Variants in CCDC88A observed in about 807,000 individuals in gnomAD.
CCDC88A encodes coiled-coil and HOOK domain protein 88A, also known as girdin.
Under a neutral mutation model 234.3 loss-of-function variants are expected in CCDC88A, and 54 were observed. That is an observed-to-expected ratio of 0.23 (90% CI 0.19 to 0.29). The LOEUF is 0.29. CCDC88A is among the 10% of genes least tolerant of loss of function. The probability of loss-of-function intolerance (pLI) is 1.00; values close to 1 mark genes in which losing one functional copy is unlikely to be tolerated. For synonymous variants in CCDC88A, 753 were observed against 737.8 expected (o/e 1.02, Z -0.33); for missense variants, 1,832 against 2,123.4 (o/e 0.86, Z 2.70).
intron 12 of CCDC88A, among the ~76,000 whole-genome samples, chr2:55,341,870 C>G (rs188272236): frequency 1.3e-5 from 2 of 152,270 alleles, no homozygotes; most frequent in African/African-American, 4.8e-5. Flanking sequence ...AATGCTGCAA[C>G]AAGCATGGGA....
chr2:55,413,062 G>C (rs1196920855), intron 2 of CCDC88A, among the ~76,000 whole-genome samples: 1 of 151,914 alleles, frequency 6.6e-6, no homozygotes, highest in African/African-American at 2.4e-5. Flanking sequence ...TAAAAAATTA[G>C]CCAGGTGCAG....
Position 55,328,196 on chromosome 2 carries a change from A to G in CCDC88A, c.2997+98T>C. 1.0e-6 allele frequency: 1 copy of G among 954,686 alleles called. No individual in the cohort carries two copies. The highest frequency in any genetic ancestry group is 1.5e-6 in the Non-Finnish European group (1 of 645,692). 59.1% of individuals were successfully genotyped at this position (954,686 alleles called of 1,614,324 possible). A position where few individuals can be genotyped will look rare whatever the true frequency, so the allele number is the denominator to read the frequency against. ...AAAGGAAGAAATAGACTAAATATCA[A>G]TAAAATGTTTATATTTTTATTTTCT... On this transcript the variant is annotated intron_variant, in intron 17 of 32. Transcript: ENST00000436346. This position sits in a 1 kb window ranked among gnomAD's most constrained non-coding sequence, Gnocchi z 4.3.
At chr2:55,307,517 G>A (rs1448952388) in intron 25 of CCDC88A, among the ~76,000 whole-genome samples, 4 of 151,778 alleles carry the variant, frequency 2.6e-5, no homozygotes, top group African/African-American at 4.8e-5. Flanking sequence ...CACAACGCCC[G>A]GCTAATTTTG....
chr2:55,336,662 T>G lies in CCDC88A; in HGVS notation c.1656+19A>C. On this transcript the variant is annotated intron_variant, in intron 14 of 32. Coordinates refer to ENST00000436346, the MANE Select transcript of CCDC88A (RefSeq NM_001365480.1). ...TAAATTTTAAAATACATTGTTTACT[T>G]AGTAAAAAATGTATGAACCTGTCTC... 4 of 1,468,938 alleles carry G rather than the reference T, an allele frequency of 2.7e-6. No homozygotes were observed. Among genetic ancestry groups the G allele is most frequent in the Non-Finnish European group, 2.7e-6 (3 of 1,092,398 alleles). 91.0% of individuals were successfully genotyped at this position (1,468,938 alleles called of 1,614,324 possible).
intron 8 of CCDC88A, among the ~76,000 whole-genome samples, chr2:55,354,723 C>A (rs1268334175): frequency 6.6e-6 from 1 of 151,122 alleles, no homozygotes; most frequent in East Asian, 2.0e-4. Flanking sequence ...CCCACCATGC[C>A]CGGATAATTT....
At chr2:55,380,830 T>G (rs1674467235) in intron 3 of CCDC88A, among the ~76,000 whole-genome samples, 1 of 152,172 alleles carries the variant, frequency 6.6e-6, no homozygotes, top group Non-Finnish European at 1.5e-5. Context: ...TTGGCCAGGC[T>G]GGTCTCAAAC....
At chr2:55,345,865 A>C (rs1669051754) in intron 10 of CCDC88A, 1 of 191,870 alleles carries the variant, frequency 5.2e-6, no homozygotes, top group South Asian at 1.9e-4. Flanking sequence ...CTTTTGGAAA[A>C]AAGTCTGAAA....
intron 6 of CCDC88A, among the ~76,000 whole-genome samples, chr2:55,363,373 CT>C (rs1671558991): frequency 6.6e-6 from 1 of 151,814 alleles, no homozygotes; most frequent in South Asian, 2.1e-4. Context: ...TCTAAAGTGT[CT>C]TTATAAGATT....
At chr2:55,410,531 G>A (rs1477309266) in intron 2 of CCDC88A, among the ~76,000 whole-genome samples, 1 of 152,138 alleles carries the variant, frequency 6.6e-6, no homozygotes, top group Non-Finnish European at 1.5e-5. Context: ...ACAAATGTTA[G>A]GGGCAGATCT....
chr2:55,416,439 AATAAATATATATATATATAT>A (rs1451224177), intron 2 of CCDC88A, among the ~76,000 whole-genome samples: 5 of 25,586 alleles, frequency 2.0e-4, no homozygotes, highest in South Asian at 1.7e-3. Context: ...TAAATAAATA[AATAAATATATATATATATAT>A]ATATATATAT....
At chr2:55,325,260 A>T (rs2589055) in intron 17 of CCDC88A, among the ~76,000 whole-genome samples, 59,725 of 152,044 alleles carry the variant, frequency 0.39, 12,444 homozygotes, top group East Asian at 0.85. Context: ...GAGTTCTTGC[A>T]CACATTTCCT....
chr2:55,414,892 C>A (rs539476245), intron 2 of CCDC88A, among the ~76,000 whole-genome samples: 5 of 151,720 alleles, frequency 3.3e-5, no homozygotes, highest in Admixed American at 2.0e-4. Flanking sequence ...GGTGAAACCC[C>A]GTCTCTACTA....
At chr2:55,293,655 T>G (rs1365832934) in intron 31 of CCDC88A, 1 of 152,160 alleles carries the variant, frequency 6.6e-6, no homozygotes, top group Non-Finnish European at 1.5e-5. Context: ...CATCCCCACA[T>G]GGTCACATTT....
At chr2:55,319,876 A>G (rs1683408015) in intron 18 of CCDC88A, among the ~76,000 whole-genome samples, 1 of 152,202 alleles carries the variant, frequency 6.6e-6, no homozygotes, top group Admixed American at 6.5e-5. Flanking sequence ...ACAAAAGGTC[A>G]TAATTGGTCT....
chr2:55,413,910 C>G (rs1350618466), intron 2 of CCDC88A, among the ~76,000 whole-genome samples: 2 of 151,830 alleles, frequency 1.3e-5, no homozygotes, highest in Non-Finnish European at 2.9e-5. Flanking sequence ...GGTGATCATG[C>G]CCCTGCACTC....
At chr2:55,298,704 C>CT (rs1446458642) in intron 29 of CCDC88A, among the ~76,000 whole-genome samples, 1 of 151,728 alleles carries the variant, frequency 6.6e-6, no homozygotes, top group Non-Finnish European at 1.5e-5. Context: ...AACCCTGTCT[C>CT]TAACAAAAAT....
At position 55,301,961 on chromosome 2, in the gene CCDC88A, C is replaced by T. The variant is rs768846784; in HGVS notation, c.4583G>A (p.Gly1528Glu). The T allele has an allele frequency of 1.2e-6, 2 of 1,614,100 alleles. No individual in the cohort carries two copies. Among genetic ancestry groups the T allele is most frequent in the Non-Finnish European group, 1.7e-6 (2 of 1,179,982 alleles). Residue 1528 changes from glycine (G) to glutamate (E), a missense_variant, in exon 27 of 33, where the codon GGA becomes GAA. By Grantham distance (98) the Gly-to-Glu change is moderately conservative. Around this residue, in one of 6 missense-constraint regions of CCDC88A, gnomAD observed 422 missense variants for 416.5 expected, o/e 1.01. Coordinates refer to ENST00000436346, the MANE Select transcript of CCDC88A (RefSeq NM_001365480.1). ...ISTGKRRKEL[G>E]AMAFSTTAIN... ...GGCTGTAGTAGAGAAGGCCATAGCT[C>T]CCAATTCTTTTCTCCTTTTACCCGT...
intron 7 of CCDC88A, among the ~76,000 whole-genome samples, chr2:55,359,335 A>C (rs1670987338): frequency 6.6e-6 from 1 of 152,068 alleles, no homozygotes; most frequent in Non-Finnish European, 1.5e-5. Context: ...AGCTTCTAGA[A>C]GTCAATGAAC....
At chr2:55,381,796 C>T (rs1442701398) in intron 3 of CCDC88A, among the ~76,000 whole-genome samples, 1 of 152,168 alleles carries the variant, frequency 6.6e-6, no homozygotes, top group Non-Finnish European at 1.5e-5. Flanking sequence ...TCAGGCCTCA[C>T]TTCGCTTTCC....
Sources: gnomAD v4.1 joint callset for allele counts (sites outside exome capture counted in the v4.1 genomes callset) on GRCh38, gnomAD v4.1.1 for gene constraint, gnomAD v4.1.1 regional missense constraint, Gnocchi (gnomAD v3.1) non-coding constraint, MANE v1.5 for transcripts, NCBI Gene and HGNC (gene_info 2026-07-23, HGNC 2026-07-21) for gene names.